MYBPHL: variants seen among roughly 807,000 people sequenced by gnomAD.
The protein encoded by MYBPHL is myosin-binding protein H-like.
Under a neutral mutation model 39.5 loss-of-function variants are expected in MYBPHL, and 32 were observed. The ratio of observed to expected loss-of-function variants is 0.81; its 90% CI spans 0.61 to 1.09. The LOEUF is 1.09. Among genes scored for constraint, MYBPHL ranks in the 50% least tolerant of loss-of-function variants. The pLI is 0.00. For synonymous variants in MYBPHL, 196 were observed against 183.7 expected (o/e 1.07, Z -0.54); for missense variants, 456 against 460.2 (o/e 0.99, Z 0.08).
chr1:109,297,240 A>C (rs1357054340), intron 3 of MYBPHL, 51 bp from the exon 4 acceptor site: 1 of 1,613,630 alleles, frequency 6.2e-7, no homozygotes, highest in South Asian at 1.1e-5. Flanking sequence ...ACATGCATTG[A>C]AGTCACTTCA....
chr1:109,293,188 C>T (rs1657926427), intron 8 of MYBPHL, among the ~76,000 whole-genome samples: 1 of 152,194 alleles, frequency 6.6e-6, no homozygotes, highest in African/African-American at 2.4e-5. Flanking sequence ...ACACACCCCA[C>T]AGGCACAAGG....
chr1:109,297,603 A>C lies in MYBPHL; in HGVS notation c.249T>G (p.Pro83=). The C allele has an allele frequency of 6.2e-7, 1 of 1,613,232 alleles. No individual in the cohort carries two copies. The highest frequency in any genetic ancestry group is 1.1e-5 in the South Asian group (1 of 91,020). The change falls in exon 3 of 9, where the codon CCT becomes CCG. Residue 83 remains proline (P), a synonymous_variant. Coordinates refer to ENST00000357155, the MANE Select transcript of MYBPHL (RefSeq NM_001010985.3). ...AGCCATCATGTGTCCAGATGGCTTG[A>C]GGTTTGGGCTTGCCCTGAGGAATGA... ...LLIPFQGKPK[P]QAIWTHDGCA...
At chr1:109,295,069 G>A (rs1409081809) in intron 7 of MYBPHL, 42 bp downstream of exon 7, 7 of 1,597,054 alleles carry the variant, frequency 4.4e-6, no homozygotes, top group African/African-American at 1.3e-5. Context: ...GAGAGAGGAG[G>A]TGACTGGCAC....
At chr1:109,297,227 C>T (rs748505460) in intron 3 of MYBPHL, 38 bp from the exon 4 acceptor site, 1 of 1,614,058 alleles carries the variant, frequency 6.2e-7, no homozygotes, top group Non-Finnish European at 8.5e-7. Context: ...CGTGGAACAT[C>T]CCACATGCAT....
rs199935853 is a variant in MYBPHL, at chr1:109,298,230, G to A, written c.173C>T (p.Ala58Val). ...EEHPKIWLPR[A>V]LRQTYIRKVG... ...CTTCCGGATGTAGGTCTGCCTCAGG[G>A]CCCGAGGTAGCCAGATCTTGGGGTG... Residue 58 changes from alanine (A) to valine (V), a missense_variant, in exon 2 of 9, where the codon GCC becomes GTC. Physicochemically the swap from Ala to Val is moderately conservative, Grantham distance 64 (BLOSUM62 0). Transcript: ENST00000357155. 1.1e-5 allele frequency: 17 copies of A among 1,610,368 alleles called. No homozygotes were observed. The highest frequency in any genetic ancestry group is 1.4e-5 in the Non-Finnish European group (16 of 1,178,458).
At chr1:109,298,147 A>C in intron 2 of MYBPHL, 22 bp downstream of exon 2, 1 of 1,577,622 alleles carries the variant, frequency 6.3e-7, no homozygotes, top group South Asian at 1.2e-5. Flanking sequence ...ACATGGACCC[A>C]GTATGGGGCT....
chr1:109,300,997 GGAGA>G (rs1658255849), intron 1 of MYBPHL, among the ~76,000 whole-genome samples: 1 of 152,238 alleles, frequency 6.6e-6, no homozygotes, highest in African/African-American at 2.4e-5. Flanking sequence ...AGAGGTGGCA[GGAGA>G]GAGTGTGGCA....
intron 1 of MYBPHL, among the ~76,000 whole-genome samples, 193 bp from the exon 2 acceptor site, chr1:109,298,450 G>A (rs1472595478): frequency 6.6e-6 from 1 of 152,130 alleles, no homozygotes; most frequent in Non-Finnish European, 1.5e-5. Context: ...AACACCCCGG[G>A]AAACATTAAA....
intron 7 of MYBPHL, 111 bp downstream of exon 7, chr1:109,295,000 C>T (rs764326068): frequency 4.3e-5 from 43 of 998,542 alleles, no homozygotes; most frequent in African/African-American, 6.5e-5. Context: ...AAGAGTCCAG[C>T]GGAGGAACCC....
chr1:109,297,688 C>A, intron 2 of MYBPHL, 71 bp from the exon 3 acceptor site: 1 of 1,367,260 alleles, frequency 7.3e-7, no homozygotes, highest in South Asian at 1.4e-5. Context: ...TGTAGGGGTC[C>A]TGTCCACCCC....
At chr1:109,306,738 A>G in intron 1 of MYBPHL, 109 bp downstream of exon 1, 1 of 920,252 alleles carries the variant, frequency 1.1e-6, no homozygotes, top group South Asian at 2.0e-5. Context: ...CCAATCCTAT[A>G]GAGTCTTTAG....
At chr1:109,296,428 CTT>C in intron 5 of MYBPHL, 58 bp from the exon 6 acceptor site, 1 of 1,562,236 alleles carries the variant, frequency 6.4e-7, no homozygotes, top group Non-Finnish European at 8.7e-7. Flanking sequence ...CTCGTCGACT[CTT>C]TATCCTTAGT....
chr1:109,297,286 C>G, intron 3 of MYBPHL, 97 bp from the exon 4 acceptor site: 2 of 1,581,172 alleles, frequency 1.3e-6, no homozygotes, highest in African/African-American at 1.3e-5. Flanking sequence ...TCAGTTACCC[C>G]TCCTGCGCCC....
chr1:109,304,047 GC>G (rs1292193433), intron 1 of MYBPHL, among the ~76,000 whole-genome samples: 2 of 152,140 alleles, frequency 1.3e-5, no homozygotes, highest in Non-Finnish European at 2.9e-5. Context: ...GAAGCAGGAA[GC>G]CTGCATGCTT....
chr1:109,303,429 C>T (rs1658361081), intron 1 of MYBPHL, among the ~76,000 whole-genome samples: 1 of 152,188 alleles, frequency 6.6e-6, no homozygotes, highest in South Asian at 2.1e-4. Flanking sequence ...AACTTCCCAC[C>T]CACTCAGTGG....
At chr1:109,301,878 C>T (rs1257852692) in intron 1 of MYBPHL, among the ~76,000 whole-genome samples, 2 of 152,132 alleles carry the variant, frequency 1.3e-5, no homozygotes, top group Non-Finnish European at 2.9e-5. Context: ...TATAATTGTT[C>T]CTATCCTCTC....
At chr1:109,296,484 G>A in intron 5 of MYBPHL, 114 bp from the exon 6 acceptor site, 1 of 1,352,986 alleles carries the variant, frequency 7.4e-7, no homozygotes, top group South Asian at 1.3e-5. Context: ...TATTGCCCAG[G>A]CTGGAGTGCA....
At chr1:109,301,320 A>G (rs1023059634) in intron 1 of MYBPHL, among the ~76,000 whole-genome samples, 1 of 152,182 alleles carries the variant, frequency 6.6e-6, no homozygotes, top group Non-Finnish European at 1.5e-5. Flanking sequence ...TTCTCCCTTC[A>G]TGGGGTCTTA....
At chr1:109,294,501 C>T (rs943933979) in intron 7 of MYBPHL, among the ~76,000 whole-genome samples, 4 of 152,120 alleles carry the variant, frequency 2.6e-5, no homozygotes, top group African/African-American at 9.7e-5. Context: ...GCAAATAAGA[C>T]AATGTCCCTA....
Sources: gnomAD v4.1 joint callset for allele counts (sites outside exome capture counted in the v4.1 genomes callset) on GRCh38, gnomAD v4.1.1 for gene constraint, MANE v1.5 for transcripts, NCBI Gene and HGNC (gene_info 2026-07-23, HGNC 2026-07-21) for gene names.